MAPRE1: variants seen among roughly 807,000 people sequenced by gnomAD.
The protein encoded by MAPRE1 is microtubule associated protein RP/EB family member 1.
Under a neutral mutation model 32.1 loss-of-function variants are expected in MAPRE1, and 5 were observed. That is an observed-to-expected ratio of 0.16 (90% CI 0.08 to 0.33). The LOEUF (loss-of-function observed/expected upper bound fraction) is 0.33, where lower values mean the gene tolerates loss of function less well. Ranked by LOEUF, MAPRE1 falls within the 10% of genes least tolerant of loss-of-function variation. The pLI is 1.00. For missense variants in MAPRE1, 209 were observed against 327.2 expected, an observed-to-expected ratio of 0.64 and a Z score of 2.79; for synonymous variants, 122 against 118.9, an observed-to-expected ratio of 1.03 and a Z score of -0.17.
chr20:32,850,001 C>T lies in MAPRE1; in HGVS notation c.*1273C>T, dbSNP rs1206068204. 1 of 152,490 alleles carries T rather than the reference C, an allele frequency of 6.6e-6. No individual in the cohort carries two copies. Among genetic ancestry groups the T allele is most frequent in the East Asian group, 1.9e-4 (1 of 5,190 alleles). The allele number at this position is 152,490 out of a possible 1,614,324, so 9.4% of individuals were successfully genotyped here. A position where few individuals can be genotyped will look rare whatever the true frequency, so the allele number is the denominator to read the frequency against. On this transcript the variant is annotated 3_prime_UTR_variant, in exon 7 of 7. Coordinates refer to ENST00000375571, the MANE Select transcript of MAPRE1 (RefSeq NM_012325.3). ...CTTAACTCTCCCTCATTTGCTTTGC[C>T]CACAGCCTATTCAGTTCCTTTGTTT...
intron 1 of MAPRE1, among the ~76,000 whole-genome samples, chr20:32,823,146 A>G (rs1424517722): frequency 6.6e-6 from 1 of 152,148 alleles, no homozygotes; most frequent in Non-Finnish European, 1.5e-5. Context: ...CAAGTTATTG[A>G]CCTCTACAGA....
At chr20:32,820,982 C>T (rs73260178) in intron 1 of MAPRE1, among the ~76,000 whole-genome samples, 5,765 of 150,262 alleles carry the variant, frequency 0.038, 313 homozygotes, top group African/African-American at 0.13. Context: ...GGCTTTGTGT[C>T]TTTTAATACT....
At chr20:32,835,388 G>C (rs1187737225) in intron 3 of MAPRE1, among the ~76,000 whole-genome samples, 1 of 69,292 alleles carries the variant, frequency 1.4e-5, no homozygotes, top group Non-Finnish European at 2.3e-5. Context: ...TTTGAGATGA[G>C]GTCTTGCTGT....
chr20:32,833,220 G>A (rs1342976998), intron 2 of MAPRE1, among the ~76,000 whole-genome samples: 1 of 151,996 alleles, frequency 6.6e-6, no homozygotes, highest in East Asian at 1.9e-4. Flanking sequence ...GAAAAGAAAT[G>A]ATAGGTTAAA....
In MAPRE1 at chr20:32,839,835, G is replaced by A. The variant is rs1204149287; in HGVS notation, c.576G>A (p.Glu192=). 4 of 1,614,062 alleles carry A rather than the reference G, an allele frequency of 2.5e-6. No homozygotes were observed. The highest frequency in any genetic ancestry group is 3.4e-6 in the Non-Finnish European group (4 of 1,180,038). ...CTGGTGTGGGCAACGGAGACGACGA[G>A]GCAGCTGAGTTGATGCAGCAGGTGG... ...KNPGVGNGDD[E]AAELMQQVNV... is the part of the protein sequence containing the mutation. Residue 192 remains glutamate (E), a synonymous_variant, in exon 5 of 7, where the codon GAG becomes GAA. Transcript: ENST00000375571.
In MAPRE1 at chr20:32,844,068, G is replaced by A. The variant is rs371169342; in HGVS notation, c.598-2550G>A. ...AGGGTTTCACCATGTTGGCCAGGCC[G>A]GTCTCGAACTCCTGACCTCAGGTGA... On this transcript the variant is annotated intron_variant, in intron 5 of 6. Coordinates refer to ENST00000375571, the MANE Select transcript of MAPRE1 (RefSeq NM_012325.3). Among the ~76,000 whole-genome samples the A allele has an allele frequency of 1.4e-4, 21 of 152,184 alleles. No individual in the cohort carries two copies. The East Asian group carries it at 3.7e-3, about 27-fold the overall frequency.
intron 1 of MAPRE1, among the ~76,000 whole-genome samples, chr20:32,822,133 T>C (rs1982719958): frequency 6.6e-6 from 1 of 152,178 alleles, no homozygotes; most frequent in Non-Finnish European, 1.5e-5. Context: ...TTTTAAATTA[T>C]ATGATGATGA....
At chr20:32,846,793 T>C (rs370211701) in intron 6 of MAPRE1, 23 bp downstream of exon 6, 45 of 1,612,220 alleles carry the variant, frequency 2.8e-5, no homozygotes, top group Non-Finnish European at 3.5e-5. Context: ...CATGAGGATA[T>C]TTTCTTTCCA....
At chr20:32,825,832 C>G in intron 1 of MAPRE1, 93 bp from the exon 2 acceptor site, 1 of 914,366 alleles carries the variant, frequency 1.1e-6, no homozygotes, top group Non-Finnish European at 1.6e-6. Context: ...AGTGTTCCTA[C>G]AGGTTTGCTT....
At chr20:32,825,722 G>T (rs1007801169) in intron 1 of MAPRE1, among the ~76,000 whole-genome samples, 1 of 152,110 alleles carries the variant, frequency 6.6e-6, no homozygotes, top group Non-Finnish European at 1.5e-5. Context: ...TTGAACTTGG[G>T]AGGTTGCAGT....
intron 1 of MAPRE1, among the ~76,000 whole-genome samples, chr20:32,823,619 C>T (rs1436467986): frequency 6.6e-6 from 1 of 152,194 alleles, no homozygotes; most frequent in Non-Finnish European, 1.5e-5. Flanking sequence ...CACTTAAAAC[C>T]TGAAAGTGCC....
intron 2 of MAPRE1, 121 bp downstream of exon 2, chr20:32,826,169 T>A: frequency 1.2e-6 from 1 of 812,312 alleles, no homozygotes; most frequent in Non-Finnish European, 1.8e-6. Context: ...AGGGCCACCC[T>A]GTTTCTTCCT....
chr20:32,827,894 CA>C (rs397864779), intron 2 of MAPRE1, among the ~76,000 whole-genome samples: 74 of 131,854 alleles, frequency 5.6e-4, no homozygotes, highest in Admixed American at 6.0e-4. Flanking sequence ...GGCTCTGTCT[CA>C]AAAAAAAAAA....
chr20:32,820,185 C>A (rs1479356550), intron 1 of MAPRE1, among the ~76,000 whole-genome samples, 157 bp downstream of exon 1: 2 of 135,410 alleles, frequency 1.5e-5, no homozygotes, highest in African/African-American at 5.8e-5. Flanking sequence ...CGTCACCCGG[C>A]GCGCGCGGGC....
At chr20:32,829,866 C>T (rs1982970396) in intron 2 of MAPRE1, among the ~76,000 whole-genome samples, 1 of 152,176 alleles carries the variant, frequency 6.6e-6, no homozygotes. Context: ...TTAATACATT[C>T]TGTAGTCTCC....
intron 5 of MAPRE1, among the ~76,000 whole-genome samples, chr20:32,844,113 C>T (rs577511116): frequency 3.9e-5 from 6 of 152,278 alleles, no homozygotes; most frequent in African/African-American, 1.4e-4. Flanking sequence ...CTTGGCCTCC[C>T]AAGGTGCTGG....
chr20:32,833,169 T>C (rs1044441947), intron 2 of MAPRE1, among the ~76,000 whole-genome samples: 1 of 151,962 alleles, frequency 6.6e-6, no homozygotes, highest in African/African-American at 2.4e-5. Flanking sequence ...GCCACTGCAC[T>C]CCAGCCTGGG....
intron 2 of MAPRE1, among the ~76,000 whole-genome samples, chr20:32,829,173 A>G (rs1315439603): frequency 1.3e-5 from 2 of 152,112 alleles, no homozygotes; most frequent in Non-Finnish European, 2.9e-5. Context: ...CGGCCTCCCA[A>G]AGTGCTAGGA....
chr20:32,847,795 T>C (rs1306213807), intron 6 of MAPRE1, among the ~76,000 whole-genome samples: 1 of 152,126 alleles, frequency 6.6e-6, no homozygotes, highest in Non-Finnish European at 1.5e-5. Flanking sequence ...CTGCTCTGAG[T>C]CCATGCCAGA....
Sources: gnomAD v4.1 joint callset for allele counts (sites outside exome capture counted in the v4.1 genomes callset) on GRCh38, gnomAD v4.1.1 for gene constraint, MANE v1.5 for transcripts, NCBI Gene and HGNC (gene_info 2026-07-23, HGNC 2026-07-21) for gene names.